Variants in CSTA observed in about 807,000 individuals in gnomAD.
CSTA encodes cystatin A.
In CSTA, 9 loss-of-function variants were observed where a neutral mutation model predicts 9.2. The observed-to-expected ratio is 0.97, with a 90% CI of 0.59 to 1.70. The LOEUF is 1.70. Among genes scored for constraint, CSTA ranks in the 40% most tolerant of loss-of-function variants. The pLI is 0.00. For missense variants in CSTA, 118 were observed against 113.1 expected (o/e 1.04, Z -0.20); for synonymous variants, 36 against 40.6 (o/e 0.89, Z 0.43).
At chr3:122,331,473 C>T (rs2075204522) in intron 1 of CSTA, among the ~76,000 whole-genome samples, 1 of 152,146 alleles carries the variant, frequency 6.6e-6, no homozygotes, top group Non-Finnish European at 1.5e-5. Flanking sequence ...GACCCCATGA[C>T]AGGAGGGTAG....
intron 2 of CSTA, among the ~76,000 whole-genome samples, chr3:122,339,251 T>C (rs1403834984): frequency 1.3e-5 from 2 of 152,188 alleles, no homozygotes; most frequent in Non-Finnish European, 2.9e-5. Flanking sequence ...ATCTGCACAA[T>C]GAGGGTAATA....
intron 1 of CSTA, among the ~76,000 whole-genome samples, chr3:122,330,612 T>TAA (rs942083597): frequency 2.0e-5 from 3 of 152,248 alleles, no homozygotes; most frequent in Non-Finnish European, 4.4e-5. Flanking sequence ...CACCATGTAC[T>TAA]AAAGTACACT....
Position 122,331,837 on chromosome 3 carries a change from G to A in CSTA, c.67-5710G>A, listed in dbSNP as rs200300782. Among the ~76,000 whole-genome samples the A allele has an allele frequency of 2.6e-5, 4 of 152,190 alleles. No homozygotes were observed. The East Asian group carries it at 7.7e-4, about 29-fold the overall frequency. ...ATGTCTCAGTTCCTACTCTTCTTAGGCCAGCTGTCCCCAACCTTTTTGGTA... is the reference window on the plus strand; with the variant it reads ...ATGTCTCAGTTCCTACTCTTCTTAGACCAGCTGTCCCCAACCTTTTTGGTA... On this transcript the variant is annotated intron_variant, in intron 1 of 2. Transcript: ENST00000264474.
Position 122,337,652 on chromosome 3 carries a change from A to T in CSTA, c.168+4A>T. 2 of 1,549,006 alleles carry T rather than the reference A, an allele frequency of 1.3e-6. No individual in the cohort carries two copies. The highest frequency in any genetic ancestry group is 1.8e-6 in the Non-Finnish European group (2 of 1,120,276). ...TGGAACAAATTACTACATTAAGGTT[A>T]GAGTTCAGCACCTACTTTAGCGCCA... On this transcript the variant is annotated splice_donor_region_variant and intron_variant, in intron 2 of 2. Transcript: ENST00000264474.
At chr3:122,338,229 G>A (rs1158588653) in intron 2 of CSTA, 1 of 152,198 alleles carries the variant, frequency 6.6e-6, no homozygotes, top group Non-Finnish European at 1.5e-5. Context: ...TAATTTTATA[G>A]CTCTGTCAAA....
intron 2 of CSTA, 149 bp downstream of exon 2, chr3:122,337,797 A>G: frequency 1.4e-6 from 1 of 705,308 alleles, no homozygotes; most frequent in Non-Finnish European, 2.6e-6. Flanking sequence ...GTGGACTCTC[A>G]AATTTGGTAG....
intron 1 of CSTA, among the ~76,000 whole-genome samples, chr3:122,337,250 CTGAT>C (rs1382519322): frequency 1.3e-5 from 2 of 152,260 alleles, no homozygotes; most frequent in East Asian, 3.9e-4. Context: ...TATTGCTCCA[CTGAT>C]TTTTATTAAT....
intron 1 of CSTA, among the ~76,000 whole-genome samples, chr3:122,326,822 T>C (rs1449336117): frequency 2.0e-5 from 3 of 152,194 alleles, no homozygotes; most frequent in Non-Finnish European, 4.4e-5. Flanking sequence ...CTGGGGTAGG[T>C]CTGAGATTCT....
At chr3:122,333,718 AAG>A (rs1348969979) in intron 1 of CSTA, among the ~76,000 whole-genome samples, 1 of 129,056 alleles carries the variant, frequency 7.7e-6, no homozygotes, top group Non-Finnish European at 1.7e-5. Context: ...AAAAGAAAGA[AAG>A]AGAAAGAAAG....
Position 122,328,200 on chromosome 3 carries a change from A to G in CSTA, c.66+2842A>G, listed in dbSNP as rs535230569. 2.0e-5 allele frequency among the ~76,000 whole-genome samples: 3 copies of G among 152,296 alleles called. No individual in the cohort carries two copies. In the East Asian group the frequency reaches 5.8e-4, roughly 29 times the overall value. The stretch of plus-strand genomic sequence containing the variant: ...GATGATGAAACCAAGATTCAAAGAG[A>G]TTAAGAGTCACTTAATTAAACTGGG... On this transcript the variant is annotated intron_variant, in intron 1 of 2. Transcript: ENST00000264474.
chr3:122,332,723 T>G (rs2075211565), intron 1 of CSTA, among the ~76,000 whole-genome samples: 1 of 152,166 alleles, frequency 6.6e-6, no homozygotes, highest in Non-Finnish European at 1.5e-5. Context: ...GCGACAAACC[T>G]CCACTGTATT....
In CSTA at chr3:122,341,424, T is replaced by G; in HGVS notation, c.169-15T>G. Reference sequence around the variant, plus strand: ...TGAATCTCCTTTTGCTTTCTCTTTCTTTAATATTTTTCAGGTACGAGCAGG... The same window carrying G: ...TGAATCTCCTTTTGCTTTCTCTTTCGTTAATATTTTTCAGGTACGAGCAGG... On this transcript the variant is annotated splice_polypyrimidine_tract_variant and intron_variant, in intron 2 of 2. Coordinates refer to ENST00000264474, the MANE Select transcript of CSTA (RefSeq NM_005213.4). 6.2e-7 allele frequency: 1 copy of G among 1,613,618 alleles called. No homozygotes were observed. Among genetic ancestry groups the G allele is most frequent in the Non-Finnish European group, 8.5e-7 (1 of 1,179,602 alleles).
intron 1 of CSTA, among the ~76,000 whole-genome samples, chr3:122,327,767 ACTCT>A (rs2075179288): frequency 6.6e-6 from 1 of 151,962 alleles, no homozygotes; most frequent in Non-Finnish European, 1.5e-5. Context: ...TCCCCCTGAG[ACTCT>A]CTAAGGAACA....
At chr3:122,329,214 C>A (rs2075189043) in intron 1 of CSTA, among the ~76,000 whole-genome samples, 1 of 151,914 alleles carries the variant, frequency 6.6e-6, no homozygotes, top group Non-Finnish European at 1.5e-5. Context: ...GATCCACCCG[C>A]CTTGGCCTCC....
In CSTA at chr3:122,337,664, C is replaced by A. The variant is rs928802066; in HGVS notation, c.168+16C>A. 3.5e-6 allele frequency: 5 copies of A among 1,446,492 alleles called. No individual in the cohort carries two copies. The highest frequency in any genetic ancestry group is 1.7e-4 in the Middle Eastern group (1 of 5,748). 89.6% of individuals were successfully genotyped at this position (1,446,492 alleles called of 1,614,324 possible). ...CTACATTAAGGTTAGAGTTCAGCAC[C>A]TACTTTAGCGCCAAAAGATGTATTT... On this transcript the variant is annotated intron_variant, in intron 2 of 2. Transcript: ENST00000264474.
At chr3:122,327,994 A>G (rs2075180200) in intron 1 of CSTA, among the ~76,000 whole-genome samples, 1 of 152,142 alleles carries the variant, frequency 6.6e-6, no homozygotes, top group African/African-American at 2.4e-5. Context: ...GGCAGGGAGG[A>G]AGCTGCTTCC....
At chr3:122,337,028 A>G (rs914731353) in intron 1 of CSTA, among the ~76,000 whole-genome samples, 3 of 152,196 alleles carry the variant, frequency 2.0e-5, no homozygotes, top group African/African-American at 7.2e-5. Context: ...GAAAAGAGAC[A>G]TTTTCAGGAA....
rs765556652 is a variant in CSTA at position 122,337,529 on chromosome 3, C to CTCTTT, written c.67-7_67-3dup. ...TAATATAGCTTTGATTATTTGTTTC[C>CTCTTT]TCTTTTCTTTTCTTTAGGTTAAACC... On this transcript the variant is annotated splice_polypyrimidine_tract_variant and intron_variant, in intron 1 of 2. Coordinates refer to ENST00000264474, the MANE Select transcript of CSTA (RefSeq NM_005213.4). 1 of 1,536,956 alleles carries CTCTTT rather than the reference C, an allele frequency of 6.5e-7. No individual in the cohort carries two copies. The highest frequency in any genetic ancestry group is 2.2e-5 in the East Asian group (1 of 44,606).
intron 1 of CSTA, among the ~76,000 whole-genome samples, chr3:122,336,360 G>C (rs1316579452): frequency 6.6e-6 from 1 of 152,134 alleles, no homozygotes; most frequent in Non-Finnish European, 1.5e-5. Flanking sequence ...AAGAACACAG[G>C]CATCAGGTGA....
Sources: allele counts gnomAD v4.1 joint callset (sites outside exome capture counted in the v4.1 genomes callset), GRCh38; gene constraint gnomAD v4.1.1; transcripts MANE v1.5; gene names NCBI Gene and HGNC (gene_info 2026-07-23, HGNC 2026-07-21).